Variants in SZT2 observed in about 807,000 individuals in gnomAD.
SZT2 encodes the protein KICSTOR complex protein SZT2.
A neutral mutation model predicts 404.2 loss-of-function variants in SZT2; 216 were observed. The ratio of observed to expected loss-of-function variants is 0.53; its 90% CI spans 0.48 to 0.60. SZT2 has a LOEUF of 0.60. Among genes scored for constraint, SZT2 ranks in the 20% least tolerant of loss-of-function variants. SZT2 has a pLI of 0.00. For synonymous variants in SZT2, 1,693 were observed against 1,749.9 expected, an observed-to-expected ratio of 0.97 and a Z score of 0.81; for missense variants, 3,857 against 4,459.2, an observed-to-expected ratio of 0.86 and a Z score of 3.85.
In SZT2 at chr1:43,429,746, C is replaced by T. The variant is rs150269825; in HGVS notation, c.4210C>T (p.Arg1404Cys). The T allele has an allele frequency of 5.1e-4, 825 of 1,614,180 alleles. No individual in the cohort carries two copies. Among genetic ancestry groups the T allele is most frequent in the Non-Finnish European group, 5.6e-4 (666 of 1,180,034 alleles). ...AAGCGAGCCTGAGTTTCAGAGCACCCGTGTCCCTGGCATTCCAGACCCTGG... is the reference window on the plus strand; with the variant it reads ...AAGCGAGCCTGAGTTTCAGAGCACCTGTGTCCCTGGCATTCCAGACCCTGG... ...DLSEPEFQST[R>C]VPGIPDPGPE... Residue 1404 changes from arginine to cysteine, a missense_variant, in exon 29 of 72, where the codon CGT becomes TGT. Physicochemically the swap from Arg to Cys is radical, Grantham distance 180 (BLOSUM62 -3). Transcript: ENST00000634258.
intron 28 of SZT2, chr1:43,429,479 G>C (rs1653592616): frequency 1.9e-6 from 1 of 535,202 alleles, no homozygotes; most frequent in Admixed American, 3.1e-5. Flanking sequence ...AACAGAGTAA[G>C]ACTCTGTCCC....
At position 43,394,101 on chromosome 1, in the gene SZT2, T is replaced by C. The variant is rs986527854; in HGVS notation, c.27+4106T>C. 10 of 984,742 alleles carry C rather than the reference T, an allele frequency of 1.0e-5. No homozygotes were observed. The Admixed American group carries it at 1.8e-4, about 18-fold the overall frequency. The allele number at this position is 984,742 out of a possible 1,614,324, so 61.0% of individuals were successfully genotyped here. ...ATTCATATGAGGACTTGAAGCTCCA[T>C]GTGAGTGTGGATGCTCTGAGAACTA... On this transcript the variant is annotated intron_variant, in intron 1 of 71. Transcript: ENST00000634258.
chr1:43,442,427 A>AC lies in SZT2; in HGVS notation c.7975-10dup, dbSNP rs2153935930. On this transcript the variant is annotated splice_polypyrimidine_tract_variant and intron_variant, in intron 57 of 71. Coordinates refer to ENST00000634258, the MANE Select transcript of SZT2 (RefSeq NM_001365999.1). This position sits in a 1 kb window ranked among gnomAD's most constrained non-coding sequence, Gnocchi z 4.5. ...GGGTTCCGTGATCTCACTGACCCTG[A>AC]CCCCCGACCTCCAGCTACAGCTGCT... is the stretch of plus-strand genomic sequence containing the variant. 6.2e-7 allele frequency: 1 copy of AC among 1,611,728 alleles called. No individual in the cohort carries two copies. Among genetic ancestry groups the AC allele is most frequent in the Non-Finnish European group, 8.5e-7 (1 of 1,178,554 alleles).
intron 5 of SZT2, 63 bp from the exon 6 acceptor site, chr1:43,415,897 T>C: frequency 5.9e-6 from 9 of 1,527,918 alleles, no homozygotes; most frequent in Non-Finnish European, 7.0e-6. Context: ...AAATTCTGGC[T>C]TTGCTATGGA....
chr1:43,452,492 G>C lies in SZT2; in HGVS notation c.*2012G>C. 1 of 697,026 alleles carries C rather than the reference G, an allele frequency of 1.4e-6. No homozygotes were observed. Among genetic ancestry groups the C allele is most frequent in the Non-Finnish European group, 2.7e-6 (1 of 375,792 alleles). 43.2% of individuals were successfully genotyped at this position (697,026 alleles called of 1,614,324 possible). ...TCAGAGACACTTCAGTGATGGCTGA[G>C]GGGCAAGCCCTTTCCCAGACATCTC... is the stretch of plus-strand genomic sequence containing the variant. On this transcript the variant is annotated 3_prime_UTR_variant, in exon 72 of 72. Transcript: ENST00000634258.
chr1:43,434,314 C>A, intron 40 of SZT2, 72 bp from the exon 41 acceptor site: 2 of 1,309,330 alleles, frequency 1.5e-6, no homozygotes, highest in Non-Finnish European at 2.1e-6. Flanking sequence ...GCAGTTATGT[C>A]ATATACATAT....
In SZT2 at chr1:43,442,775, C is replaced by T. The variant is rs149663898; in HGVS notation, c.8152-44C>T. On this transcript the variant is annotated intron_variant, in intron 58 of 71. Transcript: ENST00000634258. This position sits in a 1 kb window ranked among gnomAD's most constrained non-coding sequence, Gnocchi z 4.5. The stretch of plus-strand genomic sequence containing the variant: ...AAGCCCTGGGATGAGAGAGAGGGTC[C>T]GAGGGCAAAGGCTATGAACCCATTG... 215 of 1,550,616 alleles carry T rather than the reference C, an allele frequency of 1.4e-4. No homozygotes were observed. Among genetic ancestry groups the T allele is most frequent in the African/African-American group, 6.3e-4 (46 of 73,592 alleles).
Position 43,437,266 on chromosome 1 carries a change from A to T in SZT2, c.6130A>T (p.Thr2044Ser). Residue 2044 changes from threonine to serine, a missense_variant, in exon 43 of 72, where the codon ACT (threonine) becomes TCT (serine). Thr to Ser is a moderately conservative substitution (Grantham distance 58). This residue lies in a region of SZT2 where 261 missense variants were observed against 372.9 expected (regional missense o/e 0.70). Transcript: ENST00000634258. The surrounding 1 kb of genome is among the most constrained non-coding windows in gnomAD (Gnocchi z 5.3). Reference protein sequence around the residue: ...GHFSCDVVWGTVIRVHSRLKM... With the variant: ...GHFSCDVVWGSVIRVHSRLKM... ...TTTCTCCTGTGACGTTGTGTGGGGA[A>T]CTGTGATCCGAGTCCATTCACGCCT... 6.2e-7 allele frequency: 1 copy of T among 1,613,982 alleles called. No individual in the cohort carries two copies. Among genetic ancestry groups the T allele is most frequent in the Non-Finnish European group, 8.5e-7 (1 of 1,179,996 alleles).
chr1:43,424,720 C>A lies in SZT2; in HGVS notation c.2472-64C>A, dbSNP rs1652931702. ...GGGAGGTGGGTGTATGTGGGGAGAG[C>A]TTGTAGTCTCAGTGTCTCTTCTTCC... On this transcript the variant is annotated intron_variant, in intron 16 of 71. Transcript: ENST00000634258. This position sits in a 1 kb window ranked among gnomAD's most constrained non-coding sequence, Gnocchi z 4.1. The A allele has an allele frequency of 7.1e-7, 1 of 1,407,122 alleles. No individual in the cohort carries two copies. The highest frequency in any genetic ancestry group is 1.0e-6 in the Non-Finnish European group (1 of 997,178). 87.2% of individuals were successfully genotyped at this position (1,407,122 alleles called of 1,614,324 possible). A position where few individuals can be genotyped will look rare whatever the true frequency, so the allele number is the denominator to read the frequency against.
At position 43,452,554 on chromosome 1, in the gene SZT2, C is replaced by CAA. The variant is rs1656560371; in HGVS notation, c.*2077_*2078dup. ...ACCGCCTCCTGCCTCCAGTACTTTC[C>CAA]AAAACCTTTCCTTCCCTCGGTCCTT... On this transcript the variant is annotated 3_prime_UTR_variant, in exon 72 of 72. Coordinates refer to ENST00000634258, the MANE Select transcript of SZT2 (RefSeq NM_001365999.1). 1.6e-6 allele frequency: 1 copy of CAA among 628,050 alleles called. No individual in the cohort carries two copies. The highest frequency in any genetic ancestry group is 2.4e-5 in the Admixed American group (1 of 40,982). The allele number at this position is 628,050 out of a possible 1,614,324, so 38.9% of individuals were successfully genotyped here.
rs1230932804 is a variant in SZT2, at chr1:43,448,208, C to A, written c.9693C>A (p.Ser3231Arg). The A allele has an allele frequency of 1.2e-6, 2 of 1,609,802 alleles. No individual in the cohort carries two copies. The highest frequency in any genetic ancestry group is 1.1e-5 in the South Asian group (1 of 90,634). The change falls in exon 69 of 72, where the codon AGC (serine) becomes AGA (arginine). Residue 3231 changes from serine to arginine, a missense_variant. Transcript: ENST00000634258. This position sits in a 1 kb window ranked among gnomAD's most constrained non-coding sequence, Gnocchi z 4.2. ...EPEAPGSSAG[S>R]PGEASGLILA... is the part of the protein sequence containing the mutation. ...AGGCTCCTGGGAGTTCAGCTGGCAGCCCTGGGGAGGCCTCAGGGCTTATTC... is the reference window on the plus strand; with the variant it reads ...AGGCTCCTGGGAGTTCAGCTGGCAGACCTGGGGAGGCCTCAGGGCTTATTC...
At chr1:43,431,229 A>G (rs777867124) in intron 33 of SZT2, 36 bp from the exon 34 acceptor site, 2 of 1,570,656 alleles carry the variant, frequency 1.3e-6, no homozygotes, top group Non-Finnish European at 1.7e-6. Context: ...GTAGGATAGT[A>G]ACTCCTGACC....
At chr1:43,447,519 G>A in intron 66 of SZT2, 26 bp from the exon 67 acceptor site, 1 of 1,610,248 alleles carries the variant, frequency 6.2e-7, no homozygotes, top group Non-Finnish European at 8.5e-7. Context: ...CTTAGTGTCT[G>A]CTGTCTCCTG....
chr1:43,400,589 A>G (rs1649560031), intron 1 of SZT2, among the ~76,000 whole-genome samples: 1 of 152,198 alleles, frequency 6.6e-6, no homozygotes, highest in Admixed American at 6.5e-5. Context: ...AAACTTGTAT[A>G]GGGCAGGCGT....
At position 43,422,765 on chromosome 1, in the gene SZT2, C is replaced by A; in HGVS notation, c.1923-4C>A. On this transcript the variant is annotated splice_region_variant and splice_polypyrimidine_tract_variant and intron_variant, in intron 13 of 71. Transcript: ENST00000634258. Reference sequence around the variant, plus strand: ...GCTGCTCACTGACTCCCATTTCTCCCCAGTGCCCCAGACCAGCCCCCCAAT... The same window carrying A: ...GCTGCTCACTGACTCCCATTTCTCCACAGTGCCCCAGACCAGCCCCCCAAT... 1 of 1,576,512 alleles carries A rather than the reference C, an allele frequency of 6.3e-7. No individual in the cohort carries two copies. Among genetic ancestry groups the A allele is most frequent in the Non-Finnish European group, 8.6e-7 (1 of 1,169,070 alleles).
Position 43,422,631 on chromosome 1 carries a change from A to C in SZT2, c.1921A>C (p.Ser641Arg). The C allele has an allele frequency of 6.3e-7, 1 of 1,586,360 alleles. No individual in the cohort carries two copies. Among genetic ancestry groups the C allele is most frequent in the African/African-American group, 1.3e-5 (1 of 74,306 alleles). The change falls in exon 13 of 72, where the codon AGT (serine) becomes CGT (arginine). Residue 641 changes from serine (S) to arginine (R), a missense_variant and splice_region_variant. Physicochemically the swap from Ser to Arg is moderately radical, Grantham distance 110 (BLOSUM62 -1). This residue lies in a region of SZT2 where 1,725 missense variants were observed against 1,881.0 expected (regional missense o/e 0.92). Transcript: ENST00000634258. ...EGYSYVKLLS[S>R]APDQPPNSFY... The stretch of plus-strand genomic sequence containing the variant: ...CTATTCTTATGTTAAGCTGCTCTCC[A>C]GGTGGGCAAAGTGATGTCCCTTCAC...
chr1:43,429,831 A>C lies in SZT2; in HGVS notation c.4295A>C (p.His1432Pro). The C allele has an allele frequency of 6.2e-7, 1 of 1,614,184 alleles. No individual in the cohort carries two copies. The highest frequency in any genetic ancestry group is 8.5e-7 in the Non-Finnish European group (1 of 1,180,028). The part of the protein sequence containing the change: ...QLRGEAHGAL[H>P]SVIQEKFLEI... Reference sequence around the variant, plus strand: ...AGAGGAGAGGCCCATGGTGCCCTTCATAGCGTCATCCAGGTGGGAAGCTTG... The same window carrying C: ...AGAGGAGAGGCCCATGGTGCCCTTCCTAGCGTCATCCAGGTGGGAAGCTTG... Residue 1432 changes from histidine (H) to proline (P), a missense_variant, in exon 29 of 72, where the codon CAT becomes CCT. Physicochemically the swap from His to Pro is moderately conservative, Grantham distance 77 (BLOSUM62 -2). This residue lies in a region of SZT2 where 1,725 missense variants were observed against 1,881.0 expected (regional missense o/e 0.92). Transcript: ENST00000634258.
In SZT2 at chr1:43,431,256, C is replaced by G; in HGVS notation, c.4917-9C>G. 1 of 1,600,636 alleles carries G rather than the reference C, an allele frequency of 6.2e-7. No homozygotes were observed. ...CTCCTGACCTTTGACTTGTTCCCACCCTGTTCAGGTCAACATCTGAAAGCA... is the reference window on the plus strand; with the variant it reads ...CTCCTGACCTTTGACTTGTTCCCACGCTGTTCAGGTCAACATCTGAAAGCA... On this transcript the variant is annotated splice_polypyrimidine_tract_variant and intron_variant, in intron 33 of 71. Coordinates refer to ENST00000634258, the MANE Select transcript of SZT2 (RefSeq NM_001365999.1).
Position 43,450,933 on chromosome 1 carries a change from C to A in SZT2, c.*453C>A. 1.3e-6 allele frequency: 1 copy of A among 756,154 alleles called. No individual in the cohort carries two copies. The highest frequency in any genetic ancestry group is 1.7e-5 in the African/African-American group (1 of 59,100). 46.8% of individuals were successfully genotyped at this position (756,154 alleles called of 1,614,324 possible). A position where few individuals can be genotyped will look rare whatever the true frequency, so the allele number is the denominator to read the frequency against. On this transcript the variant is annotated 3_prime_UTR_variant, in exon 72 of 72. Transcript: ENST00000634258. The surrounding 1 kb of genome is among the most constrained non-coding windows in gnomAD (Gnocchi z 4.3). The stretch of plus-strand genomic sequence containing the variant: ...GCTGGACATTCCCATCGAGATGACA[C>A]CTGGGTTCCAATCCCAGCTCTGCCT...
Sources: gnomAD v4.1 joint callset for allele counts (sites outside exome capture counted in the v4.1 genomes callset) on GRCh38, gnomAD v4.1.1 for gene constraint, gnomAD v4.1.1 regional missense constraint, Gnocchi (gnomAD v3.1) non-coding constraint, MANE v1.5 for transcripts, NCBI Gene and HGNC (gene_info 2026-07-23, HGNC 2026-07-21) for gene names.